Variants in SPATS2L observed in about 807,000 individuals in gnomAD.
SPATS2L encodes the protein spermatogenesis associated serine rich 2 like.
In SPATS2L, 30 loss-of-function variants were observed where a neutral mutation model predicts 59.6. The observed-to-expected ratio is 0.50, with a 90% CI of 0.38 to 0.68. The LOEUF (loss-of-function observed/expected upper bound fraction) is 0.68, where lower values mean the gene tolerates loss of function less well. SPATS2L is among the 30% of genes least tolerant of loss of function. The pLI is 0.00. For missense variants in SPATS2L, 615 were observed against 700.0 expected (o/e 0.88, Z 1.37); for synonymous variants, 252 against 263.5 (o/e 0.96, Z 0.42).
intron 2 of SPATS2L, among the ~76,000 whole-genome samples, chr2:200,381,522 C>G (rs2081811147): frequency 6.6e-6 from 1 of 152,188 alleles, no homozygotes; most frequent in South Asian, 2.1e-4. Flanking sequence ...CCTGTCAGAG[C>G]ACTGCTGTCT....
chr2:200,465,619 C>T (rs2086538013), intron 9 of SPATS2L, among the ~76,000 whole-genome samples: 1 of 152,138 alleles, frequency 6.6e-6, no homozygotes, highest in South Asian at 2.1e-4. Flanking sequence ...TAAATGGGGG[C>T]TAGGGGGAGC....
Position 200,480,161 on chromosome 2 carries a change from T to A in SPATS2L, c.*2130T>A, listed in dbSNP as rs1013904395. On this transcript the variant is annotated 3_prime_UTR_variant, in exon 13 of 13. Coordinates refer to ENST00000409140, the MANE Select transcript of SPATS2L (RefSeq NM_001100423.2). ...AAAATGAATTTGCCAGGTCAGGAGT[T>A]CACCTGCCTTTGTCAGAGTTGAACC... The A allele has an allele frequency of 1.3e-5, 2 of 155,932 alleles. No homozygotes were observed. The highest frequency in any genetic ancestry group is 4.8e-5 in the African/African-American group (2 of 41,614). 9.7% of individuals were successfully genotyped at this position (155,932 alleles called of 1,614,324 possible). A position where few individuals can be genotyped will look rare whatever the true frequency, so the allele number is the denominator to read the frequency against.
chr2:200,476,371 A>G (rs768205629), intron 12 of SPATS2L, among the ~76,000 whole-genome samples: 15 of 152,170 alleles, frequency 9.9e-5, no homozygotes, highest in Non-Finnish European at 1.9e-4. Context: ...AACTATAAAG[A>G]TATTTGTTTT....
intron 8 of SPATS2L, among the ~76,000 whole-genome samples, chr2:200,458,505 TATAGGAAATACAAAAGA>T (rs2086011482): frequency 6.6e-6 from 1 of 152,170 alleles, no homozygotes; most frequent in Non-Finnish European, 1.5e-5. Context: ...ATAACAAATT[TATAGGAAATACAAAAGA>T]ACAGGCTAAA....
intron 3 of SPATS2L, among the ~76,000 whole-genome samples, chr2:200,407,348 T>C (rs774670126): frequency 2.0e-4 from 31 of 152,194 alleles, no homozygotes; most frequent in Non-Finnish European, 3.5e-4. Flanking sequence ...GACATTTGGC[T>C]CTCTATAAAG....
chr2:200,432,786 AAATTT>A (rs1439482703), intron 6 of SPATS2L, among the ~76,000 whole-genome samples: 2 of 152,218 alleles, frequency 1.3e-5, no homozygotes, highest in African/African-American at 4.8e-5. Flanking sequence ...AAGAAAAAGA[AAATTT>A]AAGTCATCAG....
At chr2:200,433,207 C>T (rs1461775737) in intron 6 of SPATS2L, among the ~76,000 whole-genome samples, 2 of 152,074 alleles carry the variant, frequency 1.3e-5, no homozygotes, top group Non-Finnish European at 2.9e-5. Context: ...CTAAAGAAAG[C>T]GACAAATCCA....
At chr2:200,451,437 T>C (rs2085437084) in intron 8 of SPATS2L, among the ~76,000 whole-genome samples, 1 of 152,230 alleles carries the variant, frequency 6.6e-6, no homozygotes, top group Non-Finnish European at 1.5e-5. Context: ...ACATGTGTAC[T>C]ACTGTTAATC....
intron 1 of SPATS2L, among the ~76,000 whole-genome samples, chr2:200,321,594 A>G (rs2079560860): frequency 6.6e-6 from 1 of 152,210 alleles, no homozygotes; most frequent in African/African-American, 2.4e-5. Context: ...CAGTATATGA[A>G]TGTGCTTTAA....
chr2:200,432,447 CATTT>C (rs10589834), intron 6 of SPATS2L, among the ~76,000 whole-genome samples: 46,643 of 151,946 alleles, frequency 0.31, 7,535 homozygotes, highest in South Asian at 0.41. Flanking sequence ...AGCTGCCTAA[CATTT>C]ATCCTCAAGG....
intron 6 of SPATS2L, among the ~76,000 whole-genome samples, chr2:200,427,379 A>G (rs888370550): frequency 6.6e-6 from 1 of 151,538 alleles, no homozygotes; most frequent in Non-Finnish European, 1.5e-5. Flanking sequence ...TTTTTAATGC[A>G]ATAAGAATTA....
At chr2:200,372,749 T>C (rs566335351) in intron 2 of SPATS2L, among the ~76,000 whole-genome samples, 12 of 152,256 alleles carry the variant, frequency 7.9e-5, no homozygotes, top group African/African-American at 2.9e-4. Flanking sequence ...AGTCCCAGCC[T>C]TGCTGTTGAC....
chr2:200,443,577 T>C (rs55784931), intron 8 of SPATS2L, among the ~76,000 whole-genome samples: 3,919 of 152,228 alleles, frequency 0.026, 174 homozygotes, highest in African/African-American at 0.089. Flanking sequence ...CAGTTCCTCT[T>C]CTCCTCTCCT....
intron 1 of SPATS2L, among the ~76,000 whole-genome samples, chr2:200,315,901 T>C (rs1334441692): frequency 1.4e-5 from 2 of 145,982 alleles, no homozygotes; most frequent in Admixed American, 1.4e-4. Context: ...GGTGGGCACC[T>C]GCAGTCCCAG....
intron 6 of SPATS2L, among the ~76,000 whole-genome samples, chr2:200,434,204 C>A (rs2084125145): frequency 6.6e-6 from 1 of 151,956 alleles, no homozygotes; most frequent in Middle Eastern, 3.4e-3. Context: ...ATGATCATCT[C>A]AGTGTGTAAA....
intron 8 of SPATS2L, among the ~76,000 whole-genome samples, chr2:200,453,440 C>A (rs184437003): frequency 6.6e-6 from 1 of 152,340 alleles, no homozygotes; most frequent in Admixed American, 6.5e-5. Context: ...GCTGAAACCC[C>A]TGACTAGCTT....
chr2:200,369,992 G>C (rs900094258), intron 2 of SPATS2L, among the ~76,000 whole-genome samples: 1 of 152,166 alleles, frequency 6.6e-6, no homozygotes, highest in Admixed American at 6.6e-5. Context: ...ATGTGAGTAA[G>C]AAGGAACTGA....
intron 8 of SPATS2L, among the ~76,000 whole-genome samples, chr2:200,456,019 G>A (rs935221053): frequency 1.3e-5 from 2 of 152,198 alleles, no homozygotes; most frequent in African/African-American, 4.8e-5. Context: ...CTGACAGCCT[G>A]CCAAAGGACA....
At chr2:200,330,059 G>A (rs1281060308) in intron 2 of SPATS2L, among the ~76,000 whole-genome samples, 4 of 152,146 alleles carry the variant, frequency 2.6e-5, no homozygotes, top group Non-Finnish European at 2.9e-5. Flanking sequence ...CCTAATAATC[G>A]TGCAGTCTTC....
Sources: allele counts gnomAD v4.1 joint callset (sites outside exome capture counted in the v4.1 genomes callset), GRCh38; gene constraint gnomAD v4.1.1; transcripts MANE v1.5; gene names NCBI Gene and HGNC (gene_info 2026-07-23, HGNC 2026-07-21).